The following PIEZO2 variants were observed in gnomAD, a reference collection of about 807,000 sequenced individuals.
PIEZO2 encodes the protein piezo-type mechanosensitive ion channel component 2.
Under a neutral mutation model 337.3 loss-of-function variants are expected in PIEZO2, and 172 were observed. The ratio of observed to expected loss-of-function variants is 0.51; its 90% confidence interval spans 0.45 to 0.58. PIEZO2 has a LOEUF of 0.58. Among genes scored for constraint, PIEZO2 ranks in the 20% least tolerant of loss-of-function variants. PIEZO2 has a pLI of 0.00. For synonymous variants in PIEZO2, 1,251 were observed against 1,228.5 expected, an observed-to-expected ratio of 1.02 and a Z score of -0.38; for missense variants, 3,028 against 3,391.3, an observed-to-expected ratio of 0.89 and a Z score of 2.66.
intron 1 of PIEZO2, among the ~76,000 whole-genome samples, chr18:11,075,441 T>C (rs749267415): frequency 6.6e-6 from 1 of 152,242 alleles, no homozygotes; most frequent in African/African-American, 2.4e-5. Flanking sequence ...TGTAGAATTC[T>C]TTCCCCCATT....
intron 15 of PIEZO2, among the ~76,000 whole-genome samples, chr18:10,788,427 A>AAAGGAAGGAAGGAAGG (rs10532745): frequency 3.5e-4 from 44 of 123,946 alleles, no homozygotes; most frequent in Admixed American, 1.7e-3. Context: ...AAAAAGAAAG[A>AAAGGAAGGAAGGAAGG]AAGGAAGGAA....
At chr18:10,812,400 G>A (rs1014191615) in intron 7 of PIEZO2, among the ~76,000 whole-genome samples, 21 of 152,142 alleles carry the variant, frequency 1.4e-4, no homozygotes, top group African/African-American at 4.8e-4. Flanking sequence ...GGAGGAGGGC[G>A]AGGATGTAAA....
rs200372158 is a variant in PIEZO2 at position 10,795,407 on chromosome 18, TTATTC to T, written c.1528-410_1528-406del. On this transcript the variant is annotated intron_variant, in intron 12 of 55. Transcript: ENST00000674853. The surrounding 1 kb of genome is among the most constrained non-coding windows in gnomAD (Gnocchi z 4.4). ...TTATTTTATTTTATTTTATTTTATT[TTATTC>T]AGCTCTATTGCTTTAAAGAAAAGAC... 8.1e-6 allele frequency among the ~76,000 whole-genome samples: 1 copy of T among 123,272 alleles called. No individual in the cohort carries two copies. The highest frequency in any genetic ancestry group is 3.0e-4 in the East Asian group (1 of 3,366). 80.9% of individuals were successfully genotyped at this position (123,272 alleles called of 152,430 possible). A position where few individuals can be genotyped will look rare whatever the true frequency, so the allele number is the denominator to read the frequency against.
intron 18 of PIEZO2, among the ~76,000 whole-genome samples, chr18:10,779,555 T>C (rs1469262404): frequency 6.6e-6 from 1 of 152,218 alleles, no homozygotes; most frequent in Non-Finnish European, 1.5e-5. Flanking sequence ...CATATCTCAG[T>C]GCCATCTCAG....
chr18:10,715,400 T>C (rs1369437387), intron 38 of PIEZO2, among the ~76,000 whole-genome samples: 1 of 152,102 alleles, frequency 6.6e-6, no homozygotes, highest in Non-Finnish European at 1.5e-5. Context: ...CAAACTGTGG[T>C]GAGGGGAGGG....
Position 11,110,420 on chromosome 18 carries a change from A to T in PIEZO2, c.64+38105T>A, listed in dbSNP as rs1417313478. ...TTGGGCCTCCCCCGCATTCTGGCTG[A>T]CAGGGCTTCAGCATGGGCGCTGCGG... On this transcript the variant is annotated intron_variant, in intron 1 of 55. Transcript: ENST00000674853. The surrounding 1 kb of genome is among the most constrained non-coding windows in gnomAD (Gnocchi z 4.2). 6.6e-6 allele frequency among the ~76,000 whole-genome samples: 1 copy of T among 152,254 alleles called. No homozygotes were observed. Among genetic ancestry groups the T allele is most frequent in the African/African-American group, 2.4e-5 (1 of 41,470 alleles).
At chr18:11,013,423 T>A (rs1201997867) in intron 2 of PIEZO2, among the ~76,000 whole-genome samples, 1 of 152,214 alleles carries the variant, frequency 6.6e-6, no homozygotes, top group East Asian at 1.9e-4. Context: ...CATAGAACTG[T>A]AAGATAATAC....
rs1178255291 is a variant in PIEZO2, at chr18:10,979,603, A to T, written c.218T>A (p.Leu73Gln). The change falls in exon 3 of 56, where the codon CTG becomes CAG. Residue 73 changes from leucine (L) to glutamine (Q), a missense_variant. Physicochemically the swap from Leu to Gln is moderately radical, Grantham distance 113. Transcript: ENST00000674853. This position sits in a 1 kb window ranked among gnomAD's most constrained non-coding sequence, Gnocchi z 4.0. ...CAACGTGATGTGGAAAATGATGTGC[A>T]GCAACAGGAAGGAAAGACTGATGAA... ...LCFISLSFLL[L>Q]HIIFHITLVS... 6.5e-7 allele frequency: 1 copy of T among 1,536,406 alleles called. No individual in the cohort carries two copies. Among genetic ancestry groups the T allele is most frequent in the South Asian group, 1.2e-5 (1 of 83,984 alleles).
chr18:10,878,078 T>C lies in PIEZO2; in HGVS notation c.330-6663A>G, dbSNP rs773737973. Reference sequence around the variant, plus strand: ...TTGCCCCTCCACACCCATTCCAGAATAGAATGGACCGCCATCCCTCCCACA... The same window carrying C: ...TTGCCCCTCCACACCCATTCCAGAACAGAATGGACCGCCATCCCTCCCACA... On this transcript the variant is annotated intron_variant, in intron 4 of 55. Transcript: ENST00000674853. The surrounding 1 kb of genome is among the most constrained non-coding windows in gnomAD (Gnocchi z 4.3). Among the ~76,000 whole-genome samples the C allele has an allele frequency of 4.6e-5, 7 of 152,082 alleles. No homozygotes were observed. The highest frequency in any genetic ancestry group is 7.4e-5 in the Non-Finnish European group (5 of 68,020).
chr18:10,671,368 T>C lies in PIEZO2; in HGVS notation c.*159A>G. ...TTCAACAGTGCCTTAACTTGCAAGGTAGCTTTTACTGCAGAAGGATATCAG... is the reference window on the plus strand; with the variant it reads ...TTCAACAGTGCCTTAACTTGCAAGGCAGCTTTTACTGCAGAAGGATATCAG... On this transcript the variant is annotated 3_prime_UTR_variant, in exon 56 of 56. Transcript: ENST00000674853. The C allele has an allele frequency of 2.8e-6, 2 of 710,544 alleles. No individual in the cohort carries two copies. The highest frequency in any genetic ancestry group is 4.4e-6 in the Non-Finnish European group (2 of 458,318). 44.0% of individuals were successfully genotyped at this position (710,544 alleles called of 1,614,324 possible).
rs183636380 is a variant in PIEZO2, at chr18:10,798,459, G to A, written c.1379-937C>T. On this transcript the variant is annotated intron_variant, in intron 11 of 55. Coordinates refer to ENST00000674853, the MANE Select transcript of PIEZO2 (RefSeq NM_001378183.1). ...CCCACTGGCTCTCATTCTTCCTGCAGTAGGACTGGATGAGCCTGCAGTTTA... is the reference window on the plus strand; with the variant it reads ...CCCACTGGCTCTCATTCTTCCTGCAATAGGACTGGATGAGCCTGCAGTTTA... Among the ~76,000 whole-genome samples, 186 of 152,330 alleles carry A rather than the reference G, an allele frequency of 1.2e-3. 3 individuals carry two copies. The highest frequency in any genetic ancestry group is 4.2e-3 in the African/African-American group (176 of 41,574).
intron 2 of PIEZO2, among the ~76,000 whole-genome samples, chr18:10,983,241 A>G (rs1274577209): frequency 6.6e-6 from 1 of 152,158 alleles, no homozygotes; most frequent in Non-Finnish European, 1.5e-5. Context: ...AAACACCAAT[A>G]TTGGCAAGCA....
chr18:10,963,907 A>C (rs2033892134), intron 3 of PIEZO2, among the ~76,000 whole-genome samples: 1 of 152,170 alleles, frequency 6.6e-6, no homozygotes, highest in African/African-American at 2.4e-5. Context: ...GTTTCACAAT[A>C]AAAAGGAATG....
intron 31 of PIEZO2, among the ~76,000 whole-genome samples, 171 bp downstream of exon 31, chr18:10,743,971 T>A (rs531271044): frequency 6.6e-6 from 1 of 152,310 alleles, no homozygotes; most frequent in South Asian, 2.1e-4. Context: ...TCACTTTCAG[T>A]CTAGTGGCAT....
At chr18:11,040,944 G>A (rs112484664) in intron 2 of PIEZO2, among the ~76,000 whole-genome samples, 1 of 152,132 alleles carries the variant, frequency 6.6e-6, no homozygotes, top group African/African-American at 2.4e-5. Flanking sequence ...AATTAAATGG[G>A]GTGAGTGGGA....
intron 2 of PIEZO2, among the ~76,000 whole-genome samples, chr18:11,006,690 C>G (rs1297185911): frequency 2.0e-5 from 3 of 152,088 alleles, no homozygotes; most frequent in Non-Finnish European, 2.9e-5. Context: ...TCCTTTCTTT[C>G]CTCCTCCCCT....
Position 10,862,907 on chromosome 18 carries a change from A to T in PIEZO2, c.493-5696T>A, listed in dbSNP as rs2041913523. On this transcript the variant is annotated intron_variant, in intron 5 of 55. Transcript: ENST00000674853. The surrounding 1 kb of genome is among the most constrained non-coding windows in gnomAD (Gnocchi z 4.4). ...TAGCAGACTCCCTTATTTGGAAAAT[A>T]GATTGAAATAAATTATCTCTGGAAC... is the stretch of plus-strand genomic sequence containing the variant. Among the ~76,000 whole-genome samples, 1 of 152,256 alleles carries T rather than the reference A, an allele frequency of 6.6e-6. No individual in the cohort carries two copies. Among genetic ancestry groups the T allele is most frequent in the Non-Finnish European group, 1.5e-5 (1 of 68,048 alleles).
intron 42 of PIEZO2, among the ~76,000 whole-genome samples, chr18:10,704,101 G>A (rs1161421385): frequency 2.6e-5 from 4 of 152,134 alleles, no homozygotes; most frequent in Admixed American, 2.6e-4. Context: ...GGCAACTCTG[G>A]CCATTTATTT....
Position 11,070,519 on chromosome 18 carries a change from GA to G in PIEZO2, c.65-4298del, listed in dbSNP as rs1479329729. On this transcript the variant is annotated intron_variant, in intron 1 of 55. Transcript: ENST00000674853. This position sits in a 1 kb window ranked among gnomAD's most constrained non-coding sequence, Gnocchi z 4.3. ...GGCAAGCAAACTGGCAGGTAGGAAA[GA>G]AAAAAGCAGCAGAAAAATTCGAGAC... is the stretch of plus-strand genomic sequence containing the variant. 6.6e-6 allele frequency among the ~76,000 whole-genome samples: 1 copy of G among 152,136 alleles called. No homozygotes were observed. The highest frequency in any genetic ancestry group is 1.5e-5 in the Non-Finnish European group (1 of 68,014).
Sources: allele counts gnomAD v4.1 joint callset (sites outside exome capture counted in the v4.1 genomes callset), GRCh38; gene constraint gnomAD v4.1.1; non-coding constraint Gnocchi (gnomAD v3.1); transcripts MANE v1.5; gene names NCBI Gene and HGNC (gene_info 2026-07-23, HGNC 2026-07-21).